The following DIP2C variants were observed in gnomAD, a reference collection of about 807,000 sequenced individuals.
DIP2C encodes the protein DIP2 acetate--CoA ligase C (putative), also known as disco-interacting protein 2 homolog C.
A neutral mutation model predicts 192.4 loss-of-function variants in DIP2C; 33 were observed. That is an observed-to-expected ratio of 0.17 (90% CI 0.13 to 0.23). The LOEUF is 0.23. Ranked by LOEUF, DIP2C falls within the 10% of genes least tolerant of loss-of-function variation. The pLI is 1.00. For missense variants in DIP2C, 1,537 were observed against 2,110.1 expected (o/e 0.73, Z 5.32); for synonymous variants, 979 against 864.1 (o/e 1.13, Z -2.33).
At chr10:497,124 C>G (rs138120127) in intron 1 of DIP2C, among the ~76,000 whole-genome samples, 2 of 151,858 alleles carry the variant, frequency 1.3e-5, no homozygotes, top group East Asian at 3.9e-4. Flanking sequence ...GACTCCACCT[C>G]GAAATCAATC....
intron 1 of DIP2C, among the ~76,000 whole-genome samples, chr10:685,135 C>CAAA (rs140709069): frequency 2.7e-5 from 2 of 72,966 alleles, no homozygotes; most frequent in African/African-American, 1.4e-4. Flanking sequence ...ACTTGGTCCC[C>CAAA]AAAAAAAAAA....
intron 1 of DIP2C, among the ~76,000 whole-genome samples, chr10:619,533 G>GCCCTCCCTCCCTCCCTCCCTCCCT (rs1172584696): frequency 5.2e-5 from 2 of 38,768 alleles, no homozygotes; most frequent in African/African-American, 2.0e-4. Context: ...GACCAAGCCC[G>GCCCTCCCTCCCTCCCTCCCTCCCT]CCCGCCCGCC....
chr10:465,506 C>G (rs2133400893), intron 3 of DIP2C, among the ~76,000 whole-genome samples: 1 of 152,162 alleles, frequency 6.6e-6, no homozygotes, highest in South Asian at 2.1e-4. Context: ...CTCACCACTC[C>G]TATTCAACAT....
rs200511416 is a variant in DIP2C, at chr10:413,871, C to T, written c.1057+42G>A. ...TTTCCTGCGTTCGGGAGTGGCTGTG[C>T]GAGGGGGTGGGCAAAGGGCAGAGAG... On this transcript the variant is annotated intron_variant, in intron 8 of 36. Coordinates refer to ENST00000280886, the MANE Select transcript of DIP2C (RefSeq NM_014974.3). 1.6e-3 allele frequency: 2,584 copies of T among 1,593,828 alleles called. 5 individuals carry two copies. Among genetic ancestry groups the T allele is most frequent in the Non-Finnish European group, 2.0e-3 (2,352 of 1,166,774 alleles).
intron 2 of DIP2C, among the ~76,000 whole-genome samples, chr10:477,723 A>AAGAGAAGG (rs1249830427): frequency 7.2e-6 from 1 of 138,094 alleles, no homozygotes; most frequent in African/African-American, 2.6e-5. Flanking sequence ...AGAGAGAAGA[A>AAGAGAAGG]AGAGAAGGAA....
intron 1 of DIP2C, among the ~76,000 whole-genome samples, chr10:674,069 T>G (rs1331428591): frequency 6.6e-6 from 1 of 152,240 alleles, no homozygotes; most frequent in African/African-American, 2.4e-5. Context: ...CATATTAATT[T>G]GTGTACAAGT....
chr10:590,079 A>G, intron 1 of DIP2C, among the ~76,000 whole-genome samples: 1 of 152,232 alleles, frequency 6.6e-6, no homozygotes, highest in East Asian at 1.9e-4. Flanking sequence ...GGAAATGGAC[A>G]CTCTTCCTCT....
At chr10:592,623 CTAAT>C (rs1195566754) in intron 1 of DIP2C, among the ~76,000 whole-genome samples, 2 of 152,104 alleles carry the variant, frequency 1.3e-5, no homozygotes, top group African/African-American at 2.4e-5. Context: ...GATTCAGAAA[CTAAT>C]TAGCAACCCT....
intron 1 of DIP2C, among the ~76,000 whole-genome samples, chr10:541,415 C>A (rs1313328002): frequency 2.0e-5 from 3 of 151,670 alleles, no homozygotes; most frequent in Non-Finnish European, 2.9e-5. Context: ...CTGCACCCCA[C>A]ATCGTGACCC....
At chr10:668,755 A>T (rs1857268377) in intron 1 of DIP2C, 1 of 152,212 alleles carries the variant, frequency 6.6e-6, no homozygotes, top group Non-Finnish European at 1.5e-5. Flanking sequence ...TTTTTTCAAG[A>T]AGGTCATCCA....
intron 1 of DIP2C, among the ~76,000 whole-genome samples, chr10:497,194 G>A (rs1365964136): frequency 6.6e-6 from 1 of 152,222 alleles, no homozygotes; most frequent in African/African-American, 2.4e-5. Context: ...TATGTAAATG[G>A]TGGGTGTACT....
At chr10:319,384 A>G (rs573315745) in intron 31 of DIP2C, among the ~76,000 whole-genome samples, 1 of 152,360 alleles carries the variant, frequency 6.6e-6, no homozygotes, top group East Asian at 1.9e-4. Flanking sequence ...ATTTTTCTAT[A>G]TAATAGAAAT....
chr10:406,491 A>G (rs1358590596), intron 9 of DIP2C, among the ~76,000 whole-genome samples: 1 of 152,204 alleles, frequency 6.6e-6, no homozygotes, highest in Admixed American at 6.5e-5. Flanking sequence ...TGAAAATGAT[A>G]ACTGAGGAAA....
intron 14 of DIP2C, among the ~76,000 whole-genome samples, chr10:384,976 C>G (rs1287786382): frequency 6.7e-6 from 1 of 149,304 alleles, no homozygotes; most frequent in African/African-American, 2.5e-5. Context: ...AGGAGCACCA[C>G]AGACACCAGG....
At chr10:604,320 A>G (rs1472626249) in intron 1 of DIP2C, among the ~76,000 whole-genome samples, 4 of 152,216 alleles carry the variant, frequency 2.6e-5, no homozygotes, top group African/African-American at 9.6e-5. Context: ...TGCAACCTAT[A>G]AATATTTGAC....
intron 1 of DIP2C, among the ~76,000 whole-genome samples, chr10:489,128 G>T (rs935905347): frequency 6.6e-6 from 1 of 152,166 alleles, no homozygotes; most frequent in Non-Finnish European, 1.5e-5. Context: ...CCTGAGACCA[G>T]GCTCACTCAG....
intron 1 of DIP2C, among the ~76,000 whole-genome samples, chr10:587,414 T>A (rs1851129725): frequency 6.6e-6 from 1 of 152,208 alleles, no homozygotes. Flanking sequence ...AGCACACGGA[T>A]TGCTGGGCAC....
At chr10:406,279 T>A (rs1964801381) in intron 9 of DIP2C, among the ~76,000 whole-genome samples, 2 of 152,258 alleles carry the variant, frequency 1.3e-5, no homozygotes, top group Admixed American at 1.3e-4. Flanking sequence ...CACGTAGAAT[T>A]CAGTAGCATG....
chr10:286,432 G>T, intron 33 of DIP2C, 85 bp from the exon 34 acceptor site: 1 of 1,242,852 alleles, frequency 8.0e-7, no homozygotes. Flanking sequence ...TCATCTTTAT[G>T]CCATTTCCTT....
Sources: gnomAD v4.1 joint callset for allele counts (sites outside exome capture counted in the v4.1 genomes callset) on GRCh38, gnomAD v4.1.1 for gene constraint, MANE v1.5 for transcripts, NCBI Gene and HGNC (gene_info 2026-07-23, HGNC 2026-07-21) for gene names.